The following AUTS2 variants were observed in gnomAD, a reference collection of about 807,000 sequenced individuals.
AUTS2 encodes the protein autism susceptibility gene 2 protein.
Under a neutral mutation model 112.4 loss-of-function variants are expected in AUTS2, and 17 were observed. That is an observed-to-expected ratio of 0.15 (90% CI 0.10 to 0.23). The LOEUF (loss-of-function observed/expected upper bound fraction) is 0.23. Among genes scored for constraint, AUTS2 ranks in the 10% least tolerant of loss-of-function variants. AUTS2 has a pLI of 1.00. For missense variants in AUTS2, 1,510 were observed against 1,701.6 expected (o/e 0.89, Z 1.98); for synonymous variants, 751 against 702.7 (o/e 1.07, Z -1.09).
intron 1 of AUTS2, among the ~76,000 whole-genome samples, chr7:69,688,989 T>C (rs1797180851): frequency 6.6e-6 from 1 of 152,240 alleles, no homozygotes; most frequent in Non-Finnish European, 1.5e-5. Context: ...GATTTTCTTT[T>C]TGTACCTGAA....
intron 1 of AUTS2, among the ~76,000 whole-genome samples, chr7:69,812,764 A>G (rs1790597422): frequency 6.6e-6 from 1 of 152,014 alleles, no homozygotes; most frequent in Non-Finnish European, 1.5e-5. Flanking sequence ...TTTTGTCAGT[A>G]TTAGTTAACA....
At chr7:70,731,420 CTTTTTTTTTT>C (rs56244002) in intron 6 of AUTS2, among the ~76,000 whole-genome samples, 5 of 69,480 alleles carry the variant, frequency 7.2e-5, no homozygotes, top group African/African-American at 1.9e-4. Flanking sequence ...TTACCCAGAT[CTTTTTTTTTT>C]TTTTTTTTTT....
At chr7:70,062,813 A>C (rs760711128) in intron 2 of AUTS2, among the ~76,000 whole-genome samples, 3 of 152,248 alleles carry the variant, frequency 2.0e-5, no homozygotes, top group Non-Finnish European at 2.9e-5. Flanking sequence ...CAGTTGTGGC[A>C]GTAAACCTGG....
chr7:70,619,334 A>G (rs913042746), intron 5 of AUTS2, among the ~76,000 whole-genome samples: 8 of 152,096 alleles, frequency 5.3e-5, no homozygotes, highest in African/African-American at 1.7e-4. Context: ...TGTGGACTTT[A>G]ACCCTTTGCT....
intron 4 of AUTS2, among the ~76,000 whole-genome samples, chr7:70,324,138 A>G (rs988059820): frequency 1.3e-5 from 2 of 152,200 alleles, no homozygotes; most frequent in African/African-American, 2.4e-5. Context: ...TCTGAAAGTG[A>G]TGATGATAGC....
chr7:70,170,263 G>A (rs1296842306), intron 4 of AUTS2, among the ~76,000 whole-genome samples: 1 of 149,070 alleles, frequency 6.7e-6, no homozygotes, highest in Non-Finnish European at 1.5e-5. Context: ...GGGCTCAAGC[G>A]ATCCTCCCAC....
At chr7:70,599,159 A>C (rs1803350143) in intron 5 of AUTS2, among the ~76,000 whole-genome samples, 2 of 152,222 alleles carry the variant, frequency 1.3e-5, no homozygotes, top group Admixed American at 6.5e-5. Flanking sequence ...ACTTCTGCCC[A>C]AGTAACTCCC....
At chr7:70,011,314 TCTCTCCTCTCCTCTCCTCTCCTCTC>T (rs71068006) in intron 2 of AUTS2, among the ~76,000 whole-genome samples, 20 of 110,572 alleles carry the variant, frequency 1.8e-4, no homozygotes, top group Admixed American at 9.8e-4. Flanking sequence ...TCTCCTTTCC[TCTCTCCTCTCCTCTCCTCTCCTCTC>T]CTCTCCTCTC....
At chr7:70,188,396 A>G in intron 4 of AUTS2, among the ~76,000 whole-genome samples, 1 of 152,186 alleles carries the variant, frequency 6.6e-6, no homozygotes, top group East Asian at 1.9e-4. Context: ...ATTAGGGAGA[A>G]TGGCTAAAAG....
intron 5 of AUTS2, among the ~76,000 whole-genome samples, chr7:70,549,340 A>G (rs574527134): frequency 6.6e-6 from 1 of 152,308 alleles, no homozygotes; most frequent in Admixed American, 6.5e-5. Context: ...TTTCTTGTCC[A>G]TATGGGATGA....
intron 1 of AUTS2, among the ~76,000 whole-genome samples, chr7:69,729,328 T>A (rs1369899722): frequency 6.7e-6 from 1 of 149,346 alleles, no homozygotes; most frequent in Non-Finnish European, 1.5e-5. Context: ...CACATTCTTT[T>A]AATAGCATTT....
At chr7:69,632,703 C>G (rs1794317323) in intron 1 of AUTS2, among the ~76,000 whole-genome samples, 1 of 151,780 alleles carries the variant, frequency 6.6e-6, no homozygotes, top group Non-Finnish European at 1.5e-5. Flanking sequence ...AGAGCCAGCT[C>G]ACGTTTGCTA....
At chr7:70,328,999 T>A (rs1267483727) in intron 4 of AUTS2, among the ~76,000 whole-genome samples, 2 of 152,166 alleles carry the variant, frequency 1.3e-5, no homozygotes, top group Non-Finnish European at 2.9e-5. Flanking sequence ...GTGTTCTGCC[T>A]CTTCAGATTT....
chr7:70,308,026 T>C (rs966395607), intron 4 of AUTS2, among the ~76,000 whole-genome samples: 1 of 152,222 alleles, frequency 6.6e-6, no homozygotes, highest in African/African-American at 2.4e-5. Context: ...TGCTTTGGTA[T>C]AGAAGTTTTG....
intron 2 of AUTS2, among the ~76,000 whole-genome samples, chr7:70,046,857 G>T (rs1021615857): frequency 6.6e-6 from 1 of 152,156 alleles, no homozygotes; most frequent in Non-Finnish European, 1.5e-5. Flanking sequence ...AAGAGTGGTG[G>T]TGCTATATTG....
chr7:70,435,083 A>G (rs1406711439), intron 4 of AUTS2, among the ~76,000 whole-genome samples: 6 of 152,188 alleles, frequency 3.9e-5, no homozygotes, highest in African/African-American at 1.4e-4. Context: ...CTATGGCCCT[A>G]AAGCATACTT....
intron 2 of AUTS2, among the ~76,000 whole-genome samples, chr7:69,913,675 A>G (rs1417386266): frequency 6.6e-6 from 1 of 152,124 alleles, no homozygotes; most frequent in Non-Finnish European, 1.5e-5. Context: ...AGCCAGAGTG[A>G]TCTTTTAAAA....
chr7:70,664,449 T>C (rs1807228341), intron 5 of AUTS2, among the ~76,000 whole-genome samples: 1 of 152,246 alleles, frequency 6.6e-6, no homozygotes, highest in South Asian at 2.1e-4. Context: ...TGAGCAGCTG[T>C]ACTGAAGTTT....
intron 1 of AUTS2, among the ~76,000 whole-genome samples, chr7:69,856,471 T>A (rs1044561089): frequency 6.6e-6 from 1 of 152,190 alleles, no homozygotes; most frequent in Non-Finnish European, 1.5e-5. Flanking sequence ...GCGGTCCCTC[T>A]CTGTATTTCA....
Sources: allele counts gnomAD v4.1 joint callset (sites outside exome capture counted in the v4.1 genomes callset), GRCh38; gene constraint gnomAD v4.1.1; transcripts MANE v1.5; gene names NCBI Gene and HGNC (gene_info 2026-07-23, HGNC 2026-07-21).